The following TBC1D5 variants were observed in gnomAD, a reference collection of about 807,000 sequenced individuals.
The protein encoded by TBC1D5 is TBC1 domain family member 5.
TBC1D5 carries 75 observed loss-of-function variants against 100.3 expected under a neutral mutation model. The observed-to-expected ratio is 0.75, with a 90% CI of 0.62 to 0.91. TBC1D5 has a LOEUF of 0.91. Ranked by LOEUF, TBC1D5 falls within the 40% of genes least tolerant of loss-of-function variation. The probability of loss-of-function intolerance (pLI) is 0.00; values close to 1 mark genes in which losing one functional copy is unlikely to be tolerated. For missense variants in TBC1D5, 910 were observed against 942.4 expected (o/e 0.97, Z 0.45); for synonymous variants, 323 against 325.6 (o/e 0.99, Z 0.09).
At chr3:17,458,907 C>T (rs1006875818) in intron 3 of TBC1D5, among the ~76,000 whole-genome samples, 2 of 152,188 alleles carry the variant, frequency 1.3e-5, no homozygotes, top group African/African-American at 4.8e-5. Flanking sequence ...TACCACTTTG[C>T]ATGCATTGGT....
At position 17,575,800 on chromosome 3, in the gene TBC1D5, A is replaced by C. The variant is rs116681729; in HGVS notation, c.-36+48049T>G. On this transcript the variant is annotated intron_variant, in intron 2 of 21. Transcript: ENST00000253692. ...AAGACAGAGAATGAACTAAAAGAAA[A>C]TAATGCAAATTCTCTAAAAATATAA... 1.5e-3 allele frequency among the ~76,000 whole-genome samples: 224 copies of C among 152,288 alleles called. 2 individuals carry two copies. The highest frequency in any genetic ancestry group is 5.2e-3 in the African/African-American group (215 of 41,570).
intron 4 of TBC1D5, among the ~76,000 whole-genome samples, chr3:17,425,297 C>A (rs970160444): frequency 4.8e-4 from 73 of 152,178 alleles, no homozygotes; most frequent in African/African-American, 1.7e-3. Flanking sequence ...TATTTGGAAT[C>A]AGGATCTGAA....
At chr3:17,559,736 C>T (rs1034268136) in intron 2 of TBC1D5, among the ~76,000 whole-genome samples, 1 of 151,772 alleles carries the variant, frequency 6.6e-6, no homozygotes, top group African/African-American at 2.4e-5. Flanking sequence ...ATTACAGGCG[C>T]CCACGACCAT....
At chr3:17,258,722 G>T in intron 15 of TBC1D5, 131 bp from the exon 16 acceptor site, 1 of 572,328 alleles carries the variant, frequency 1.7e-6, no homozygotes, top group Non-Finnish European at 2.7e-6. Flanking sequence ...TAATTAGTGT[G>T]ATTGGGTTTT....
At chr3:17,248,696 T>C (rs1015679646) in intron 16 of TBC1D5, among the ~76,000 whole-genome samples, 2 of 152,010 alleles carry the variant, frequency 1.3e-5, no homozygotes, top group Admixed American at 6.5e-5. Context: ...GAAAGGAATA[T>C]TTTTTTTCTG....
rs1386085086 is a variant in TBC1D5 at position 17,474,983 on chromosome 3, T to G, written c.97+33491A>C. ...ACTTGCTTTAATGTCATTCCTTATA[T>G]GGCAAATGAGGTCACTCTGCATTTA... is the stretch of plus-strand genomic sequence containing the variant. On this transcript the variant is annotated intron_variant, in intron 3 of 21. Coordinates refer to ENST00000253692, the Ensembl canonical transcript of TBC1D5. Among the ~76,000 whole-genome samples the G allele has an allele frequency of 3.3e-5, 5 of 152,128 alleles. No homozygotes were observed. In the South Asian group the frequency reaches 1.0e-3, roughly 31 times the overall value.
chr3:17,336,109 A>G (rs533540930), intron 13 of TBC1D5, among the ~76,000 whole-genome samples: 1 of 152,156 alleles, frequency 6.6e-6, no homozygotes, highest in Non-Finnish European at 1.5e-5. Context: ...TTAAAACAAT[A>G]ACATTAAAAT....
At position 17,621,512 on chromosome 3, in the gene TBC1D5, G is replaced by A. The variant is rs2062654976; in HGVS notation, c.-36+2337C>T. ...GAAATATGTGATGGAGGACTGTCATGCACTTCAACTAACCAAACCTGGGCA... is the reference window on the plus strand; with the variant it reads ...GAAATATGTGATGGAGGACTGTCATACACTTCAACTAACCAAACCTGGGCA... On this transcript the variant is annotated intron_variant, in intron 2 of 21. Transcript: ENST00000253692. Among the ~76,000 whole-genome samples, 3 of 152,292 alleles carry A rather than the reference G, an allele frequency of 2.0e-5. No individual in the cohort carries two copies. In the South Asian group the frequency reaches 6.2e-4, roughly 32 times the overall value.
At chr3:17,509,126 T>C (rs1676016040) in intron 2 of TBC1D5, among the ~76,000 whole-genome samples, 1 of 152,016 alleles carries the variant, frequency 6.6e-6, no homozygotes, top group Admixed American at 6.6e-5. Context: ...ATACTGATTA[T>C]GTAATCTATG....
intron 1 of TBC1D5, among the ~76,000 whole-genome samples, chr3:17,738,603 A>C (rs1405649218): frequency 6.6e-6 from 1 of 152,206 alleles, no homozygotes; most frequent in Non-Finnish European, 1.5e-5. Context: ...TCGGATGTGC[A>C]ACAAATGCTT....
At chr3:17,413,424 A>G (rs551761655) in intron 4 of TBC1D5, among the ~76,000 whole-genome samples, 1 of 152,316 alleles carries the variant, frequency 6.6e-6, no homozygotes, top group Admixed American at 6.5e-5. Context: ...TGGGTAGTTA[A>G]GCTTCCTGCA....
intron 1 of TBC1D5, among the ~76,000 whole-genome samples, chr3:17,700,793 C>A (rs2073053995): frequency 6.6e-6 from 1 of 152,140 alleles, no homozygotes; most frequent in South Asian, 2.1e-4. Flanking sequence ...CCACCTCACA[C>A]CAGTGAGAAT....
At chr3:17,564,245 A>G (rs2096579779) in intron 2 of TBC1D5, among the ~76,000 whole-genome samples, 1 of 152,222 alleles carries the variant, frequency 6.6e-6, no homozygotes, top group Admixed American at 6.5e-5. Context: ...AAATATTTTT[A>G]TCATTACTTA....
chr3:17,233,730 C>T (rs372132147), intron 17 of TBC1D5: 33 of 1,544,770 alleles, frequency 2.1e-5, no homozygotes, highest in Non-Finnish European at 2.6e-5. Flanking sequence ...ACCTGAGCAT[C>T]GCTTCCTGTA....
chr3:17,452,780 A>C (rs1315814590), intron 3 of TBC1D5, among the ~76,000 whole-genome samples: 1 of 152,124 alleles, frequency 6.6e-6, no homozygotes, highest in East Asian at 1.9e-4. Flanking sequence ...CAAAAAAGAA[A>C]CATCAGATTT....
At chr3:17,728,208 T>C (rs2076276663) in intron 1 of TBC1D5, among the ~76,000 whole-genome samples, 1 of 152,118 alleles carries the variant, frequency 6.6e-6, no homozygotes, top group Non-Finnish European at 1.5e-5. Context: ...GCCATTAACA[T>C]CAGGCATCAA....
chr3:17,701,496 T>G (rs1001588459), intron 1 of TBC1D5, among the ~76,000 whole-genome samples: 1 of 152,010 alleles, frequency 6.6e-6, no homozygotes, highest in Non-Finnish European at 1.5e-5. Context: ...AAAAGTCTCC[T>G]GGGTGGCGCA....
intron 17 of TBC1D5, among the ~76,000 whole-genome samples, chr3:17,228,731 G>A (rs2075147414): frequency 2.0e-5 from 3 of 149,926 alleles, no homozygotes; most frequent in South Asian, 4.2e-4. Flanking sequence ...GTTACTGTTC[G>A]GATGAGACAC....
At chr3:17,172,958 T>C (rs879731130) in intron 19 of TBC1D5, among the ~76,000 whole-genome samples, 1 of 152,122 alleles carries the variant, frequency 6.6e-6, no homozygotes, top group Non-Finnish European at 1.5e-5. Context: ...AACCTTCTTA[T>C]GCCTGAGGGG....
Sources: gnomAD v4.1 joint callset for allele counts (sites outside exome capture counted in the v4.1 genomes callset) on GRCh38, gnomAD v4.1.1 for gene constraint, MANE v1.5 for transcripts, NCBI Gene and HGNC (gene_info 2026-07-23, HGNC 2026-07-21) for gene names.